Variants in NUF2 observed in about 807,000 individuals in gnomAD.
The protein encoded by NUF2 is NUF2 component of NDC80 kinetochore complex, also known as kinetochore protein Nuf2.
A neutral mutation model predicts 61.8 loss-of-function variants in NUF2; 34 were observed. That is an observed-to-expected ratio of 0.55 (90% CI 0.42 to 0.73). The LOEUF (loss-of-function observed/expected upper bound fraction) is 0.73. Ranked by LOEUF, NUF2 falls within the 30% of genes least tolerant of loss-of-function variation. The pLI is 0.00. For synonymous variants in NUF2, 172 were observed against 181.6 expected (o/e 0.95, Z 0.42); for missense variants, 445 against 539.1 (o/e 0.83, Z 1.73).
At chr1:163,353,225 C>T (rs1651381346) in intron 13 of NUF2, among the ~76,000 whole-genome samples, 1 of 151,136 alleles carries the variant, frequency 6.6e-6, no homozygotes, top group African/African-American at 2.4e-5. Context: ...GTACTATTTA[C>T]AGTGCTACTT....
intron 4 of NUF2, 191 bp downstream of exon 4, chr1:163,328,495 T>A (rs1474229889): frequency 5.9e-6 from 3 of 506,398 alleles, no homozygotes; most frequent in Non-Finnish European, 1.0e-5. Context: ...CTGTGCCACT[T>A]TCTCAGCATA....
In NUF2 at chr1:163,327,109, C is replaced by A. The variant is rs1302068926; in HGVS notation, c.124-379C>A. Among the ~76,000 whole-genome samples, 264 of 27,138 alleles carry A rather than the reference C, an allele frequency of 9.7e-3. 1 individual carries two copies. Among genetic ancestry groups the A allele is most frequent in the Middle Eastern group, 0.029 (1 of 34 alleles). The allele number at this position is 27,138 out of a possible 152,430, so 17.8% of individuals were successfully genotyped here. A position where few individuals can be genotyped will look rare whatever the true frequency, so the allele number is the denominator to read the frequency against. On this transcript the variant is annotated intron_variant, in intron 2 of 13. Coordinates refer to ENST00000271452, the MANE Select transcript of NUF2 (RefSeq NM_145697.3). Reference sequence around the variant, plus strand: ...AAGGTTTCCTGTGTTCACACACACACACACACACACACACACACACACACA... The same window carrying A: ...AAGGTTTCCTGTGTTCACACACACAAACACACACACACACACACACACACA...
chr1:163,347,008 T>TGTA (rs1651157283), intron 11 of NUF2, among the ~76,000 whole-genome samples: 1 of 152,240 alleles, frequency 6.6e-6, no homozygotes, highest in South Asian at 2.1e-4. Context: ...CAGGGGTAAC[T>TGTA]GTAACCATGG....
chr1:163,343,969 A>G (rs1050161152), intron 10 of NUF2, 99 bp downstream of exon 10: 14 of 653,420 alleles, frequency 2.1e-5, no homozygotes, highest in Middle Eastern at 4.2e-4. Flanking sequence ...TGAATTATCT[A>G]TACTTCTCTT....
At chr1:163,346,751 A>C (rs1651140937) in intron 11 of NUF2, among the ~76,000 whole-genome samples, 1 of 152,108 alleles carries the variant, frequency 6.6e-6, no homozygotes, top group Non-Finnish European at 1.5e-5. Flanking sequence ...GCCACTTGGG[A>C]GTCTGAGGTG....
At chr1:163,341,666 C>T (rs183310454) in intron 9 of NUF2, among the ~76,000 whole-genome samples, 1 of 151,942 alleles carries the variant, frequency 6.6e-6, no homozygotes, top group Admixed American at 6.6e-5. Flanking sequence ...CACTCTTTTG[C>T]CCAGGTTGGA....
intron 5 of NUF2, among the ~76,000 whole-genome samples, chr1:163,332,249 G>C (rs184614517): frequency 1.8e-4 from 27 of 152,052 alleles, no homozygotes; most frequent in African/African-American, 5.3e-4. Flanking sequence ...TTATTTATAA[G>C]TGTGTTGTCT....
Position 163,343,794 on chromosome 1 carries a change from T to C in NUF2, c.731T>C (p.Ile244Thr). ...KEIQESLKTK[I>T]VDSPEKLKNY... ...ATACAAGAGAGTTTGAAAACAAAAATTGTGGATTCTCCAGAGAAGTTAAAG... is the reference window on the plus strand; with the variant it reads ...ATACAAGAGAGTTTGAAAACAAAAACTGTGGATTCTCCAGAGAAGTTAAAG... The change falls in exon 10 of 14, where the codon ATT (isoleucine) becomes ACT (threonine). Residue 244 changes from isoleucine (I) to threonine (T), a missense_variant. Transcript: ENST00000271452. 6.9e-7 allele frequency: 1 copy of C among 1,446,568 alleles called. No homozygotes were observed. The highest frequency in any genetic ancestry group is 1.8e-4 in the Middle Eastern group (1 of 5,532). 89.6% of individuals were successfully genotyped at this position (1,446,568 alleles called of 1,614,324 possible).
At chr1:163,332,995 G>A (rs1470584981) in intron 5 of NUF2, among the ~76,000 whole-genome samples, 2 of 152,156 alleles carry the variant, frequency 1.3e-5, no homozygotes, top group South Asian at 2.1e-4. Context: ...TTGGTTAATA[G>A]CGTTGTTCAA....
At chr1:163,326,428 A>G (rs1444156815) in intron 2 of NUF2, among the ~76,000 whole-genome samples, 1 of 151,446 alleles carries the variant, frequency 6.6e-6, no homozygotes, top group Non-Finnish European at 1.5e-5. Context: ...CTTCTAAACC[A>G]TATTAAAGTA....
chr1:163,344,491 A>G (rs1274127847), intron 10 of NUF2, among the ~76,000 whole-genome samples: 1 of 151,370 alleles, frequency 6.6e-6, no homozygotes, highest in Non-Finnish European at 1.5e-5. Flanking sequence ...TTTTAAACAT[A>G]GCAGTACCAA....
intron 1 of NUF2, among the ~76,000 whole-genome samples, chr1:163,324,325 A>G (rs1263451711): frequency 2.0e-5 from 3 of 152,210 alleles, no homozygotes; most frequent in East Asian, 3.8e-4. Flanking sequence ...TCCACACACT[A>G]TGAGGAAGAG....
chr1:163,331,227 T>G (rs182728964), intron 5 of NUF2, among the ~76,000 whole-genome samples: 23 of 151,972 alleles, frequency 1.5e-4, no homozygotes, highest in Admixed American at 1.1e-3. Context: ...CACTGAGAGT[T>G]TTTATCATGA....
At chr1:163,324,327 G>A (rs544627653) in intron 1 of NUF2, among the ~76,000 whole-genome samples, 1 of 152,176 alleles carries the variant, frequency 6.6e-6, no homozygotes, top group South Asian at 2.1e-4. Flanking sequence ...CACACACTAT[G>A]AGGAAGAGTT....
At chr1:163,341,652 G>A (rs1293538899) in intron 9 of NUF2, among the ~76,000 whole-genome samples, 1 of 151,856 alleles carries the variant, frequency 6.6e-6, no homozygotes, top group East Asian at 1.9e-4. Flanking sequence ...TTGAGATGGA[G>A]TCTCACTCTT....
At chr1:163,343,915 A>C in intron 10 of NUF2, 45 bp downstream of exon 10, 1 of 1,218,358 alleles carries the variant, frequency 8.2e-7, no homozygotes, top group East Asian at 2.9e-5. Flanking sequence ...TAAAAAAAAA[A>C]ATTAGCAAAT....
Position 163,326,036 on chromosome 1 carries a change from A to T in NUF2, c.-16A>T, listed in dbSNP as rs1450958100. ...CATTGTTTTTTCTTCCTTCAGATTAACAGGAAACTTCCAAGATGGAAACTT... is the reference window on the plus strand; with the variant it reads ...CATTGTTTTTTCTTCCTTCAGATTATCAGGAAACTTCCAAGATGGAAACTT... On this transcript the variant is annotated 5_prime_UTR_variant, in exon 2 of 14. Coordinates refer to ENST00000271452, the MANE Select transcript of NUF2 (RefSeq NM_145697.3). The T allele has an allele frequency of 2.5e-6, 4 of 1,609,794 alleles. No individual in the cohort carries two copies. The South Asian group carries it at 4.4e-5, about 18-fold the overall frequency.
chr1:163,327,771 T>C (rs1341108984), intron 3 of NUF2: 4 of 502,922 alleles, frequency 8.0e-6, no homozygotes, highest in African/African-American at 7.9e-5. Context: ...TTTAGTAAGA[T>C]GAAAACCATA....
chr1:163,322,344 G>T (rs1422835325), intron 1 of NUF2, 132 bp downstream of exon 1: 1 of 152,232 alleles, frequency 6.6e-6, no homozygotes, highest in Non-Finnish European at 1.5e-5. Context: ...AGCTGAAATT[G>T]TTCAAGTTAG....
Sources: allele counts gnomAD v4.1 joint callset (sites outside exome capture counted in the v4.1 genomes callset), GRCh38; gene constraint gnomAD v4.1.1; transcripts MANE v1.5; gene names NCBI Gene and HGNC (gene_info 2026-07-23, HGNC 2026-07-21).